FMO2: variants seen among roughly 807,000 people sequenced by gnomAD.
FMO2 encodes flavin containing dimethylaniline monoxygenase 2.
Under a neutral mutation model 41.6 loss-of-function variants are expected in FMO2, and 33 were observed. That is an observed-to-expected ratio of 0.79 (90% CI 0.60 to 1.06). The LOEUF (loss-of-function observed/expected upper bound fraction) is 1.06. Ranked by LOEUF, FMO2 falls within the 50% of genes least tolerant of loss-of-function variation. FMO2 has a pLI of 0.00. For missense variants in FMO2, 619 were observed against 632.9 expected (o/e 0.98, Z 0.23); for synonymous variants, 214 against 219.6 (o/e 0.97, Z 0.23).
At chr1:171,193,888 T>C (rs1244037841) in intron 3 of FMO2, among the ~76,000 whole-genome samples, 1 of 152,060 alleles carries the variant, frequency 6.6e-6, no homozygotes, top group Admixed American at 6.5e-5. Context: ...CAAGTGATTC[T>C]CCTGCCTCGG....
At chr1:171,205,918 C>T (rs554900905) in intron 7 of FMO2, among the ~76,000 whole-genome samples, 8 of 152,254 alleles carry the variant, frequency 5.3e-5, no homozygotes, top group African/African-American at 1.7e-4. Flanking sequence ...TTCTTTGAAT[C>T]GTGAGAGATA....
intron 5 of FMO2, among the ~76,000 whole-genome samples, chr1:171,203,007 TGAAGAG>T (rs950058078): frequency 4.1e-4 from 62 of 152,196 alleles, no homozygotes; most frequent in African/African-American, 1.5e-3. Context: ...GATGTGCACT[TGAAGAG>T]AAAGAGAATC....
rs529913836 is a variant in FMO2, at chr1:171,199,634, C to G, written c.627+146C>G. The stretch of plus-strand genomic sequence containing the variant: ...GTGGCATCATAGAAAATCTGGAAGT[C>G]AAGAAACCACTTTACCTCCTAGCTC... On this transcript the variant is annotated intron_variant, in intron 5 of 8. Coordinates refer to ENST00000209929, the MANE Select transcript of FMO2 (RefSeq NM_001460.5). 14 of 650,566 alleles carry G rather than the reference C, an allele frequency of 2.2e-5. No homozygotes were observed. The African/African-American group carries it at 2.2e-4, about 10-fold the overall frequency. 40.3% of individuals were successfully genotyped at this position (650,566 alleles called of 1,614,324 possible). A position where few individuals can be genotyped will look rare whatever the true frequency, so the allele number is the denominator to read the frequency against.
At position 171,205,508 on chromosome 1, in the gene FMO2, TATAA is replaced by T; in HGVS notation, c.1061_1064del (p.Lys354ThrfsTer21). ...AGTAGAGAATAATATGGTCTCACTGTATAAATACATATTCCCCGCTCACCTGGAC... is the reference window on the plus strand; with the variant it reads ...AGTAGAGAATAATATGGTCTCACTGTATACATATTCCCCGCTCACCTGGAC... On this transcript the variant is annotated frameshift_variant, in exon 7 of 9. Transcript: ENST00000209929. LOFTEE classifies it high-confidence loss of function. 2 of 1,613,814 alleles carry T rather than the reference TATAA, an allele frequency of 1.2e-6. No homozygotes were observed. Among genetic ancestry groups the T allele is most frequent in the Non-Finnish European group, 1.7e-6 (2 of 1,179,806 alleles).
rs752012494 is a variant in FMO2 at position 171,193,353 on chromosome 1, C to G, written c.151C>G (p.Arg51Gly). The G allele has an allele frequency of 6.9e-6, 11 of 1,601,526 alleles. No individual in the cohort carries two copies. The highest frequency in any genetic ancestry group is 1.3e-5 in the African/African-American group (1 of 74,088). ...CCTTCAGGAGAATGTGGAAGATGGC[C>G]GAGCAAGTATCTATCAATCTGTCGT... is the stretch of plus-strand genomic sequence containing the variant. The part of the protein sequence containing the change: ...WRFKENVEDG[R>G]ASIYQSVVTN... The change falls in exon 3 of 9, where the codon CGA becomes GGA. Residue 51 changes from arginine to glycine, a missense_variant. Arg to Gly is a moderately radical substitution (Grantham distance 125, BLOSUM62 -2). Coordinates refer to ENST00000209929, the MANE Select transcript of FMO2 (RefSeq NM_001460.5).
rs1339158477 is a variant in FMO2, at chr1:171,203,929, G to C, written c.692G>C (p.Trp231Ser). Residue 231 changes from tryptophan (W) to serine (S), a missense_variant, in exon 6 of 9, where the codon TGG (tryptophan) becomes TCG (serine). Physicochemically the swap from Trp to Ser is radical, Grantham distance 177. Transcript: ENST00000209929. The part of the protein sequence containing the change: ...MSRISEDGYP[W>S]DSVFHTRFRS... ...CGTATCTCTGAAGATGGCTATCCTTGGGACTCAGTGTTCCACACCCGGTTT... is the reference window on the plus strand; with the variant it reads ...CGTATCTCTGAAGATGGCTATCCTTCGGACTCAGTGTTCCACACCCGGTTT... 1 of 1,613,590 alleles carries C rather than the reference G, an allele frequency of 6.2e-7. No homozygotes were observed. The highest frequency in any genetic ancestry group is 1.3e-5 in the African/African-American group (1 of 74,866).
intron 5 of FMO2, among the ~76,000 whole-genome samples, chr1:171,201,338 G>T (rs1658525974): frequency 6.6e-6 from 1 of 151,964 alleles, no homozygotes; most frequent in East Asian, 1.9e-4. Context: ...ACATTTCCAG[G>T]ATTATACTCA....
intron 2 of FMO2, among the ~76,000 whole-genome samples, chr1:171,186,672 T>C (rs1406344031): frequency 6.6e-6 from 1 of 152,162 alleles, no homozygotes; most frequent in Non-Finnish European, 1.5e-5. Flanking sequence ...GTGGGGATTG[T>C]GGGAACTACA....
rs28369904 is a variant in FMO2 at position 171,206,819 on chromosome 1, C to G, written c.1184-899C>G. 5.3e-5 allele frequency among the ~76,000 whole-genome samples: 8 copies of G among 152,218 alleles called. No homozygotes were observed. In the East Asian group the frequency reaches 1.5e-3, roughly 29 times the overall value. Reference sequence around the variant, plus strand: ...GAGAAAGCTACTGAAATAGCCTATGCTAAAATATGATGCATCCTGGGCCAG... The same window carrying G: ...GAGAAAGCTACTGAAATAGCCTATGGTAAAATATGATGCATCCTGGGCCAG... On this transcript the variant is annotated intron_variant, in intron 7 of 8. Coordinates refer to ENST00000209929, the MANE Select transcript of FMO2 (RefSeq NM_001460.5).
In FMO2 at chr1:171,205,313, G is replaced by C. The variant is rs768069225; in HGVS notation, c.862G>C (p.Val288Leu). 3.7e-5 allele frequency: 59 copies of C among 1,612,824 alleles called. No homozygotes were observed. The highest frequency in any genetic ancestry group is 4.6e-5 in the Non-Finnish European group (54 of 1,179,214). Residue 288 changes from valine (V) to leucine (L), a missense_variant, in exon 7 of 9, where the codon GTC becomes CTC. Transcript: ENST00000209929. ...IMKEPVLNDDVPSRLLCGAIK... is the reference protein window; with the variant it reads ...IMKEPVLNDDLPSRLLCGAIK... ...GAAGGAACCTGTACTAAATGATGAT[G>C]TCCCAAGTCGTCTACTCTGTGGAGC...
At position 171,209,277 on chromosome 1, in the gene FMO2, G is replaced by A. The variant is rs1658885775; in HGVS notation, c.*132G>A. 1 of 399,072 alleles carries A rather than the reference G, an allele frequency of 2.5e-6. No individual in the cohort carries two copies. Among genetic ancestry groups the A allele is most frequent in the African/African-American group, 2.1e-5 (1 of 48,500 alleles). 24.7% of individuals were successfully genotyped at this position (399,072 alleles called of 1,614,324 possible). On this transcript the variant is annotated 3_prime_UTR_variant, in exon 9 of 9. Coordinates refer to ENST00000209929, the MANE Select transcript of FMO2 (RefSeq NM_001460.5). ...TAGAGTTAGGTAGTACAGGTAAGGG[G>A]GAAATTGTAAAGAATTAGCAGAATT...
intron 4 of FMO2, among the ~76,000 whole-genome samples, chr1:171,197,786 A>G (rs28369863): frequency 0.11 from 17,094 of 152,182 alleles, 1,222 homozygotes; most frequent in South Asian, 0.15. Context: ...GAAGAGGAAG[A>G]GAGACCTGAG....
At chr1:171,203,164 G>A (rs1036591628) in intron 5 of FMO2, among the ~76,000 whole-genome samples, 1 of 152,036 alleles carries the variant, frequency 6.6e-6, no homozygotes, top group Non-Finnish European at 1.5e-5. Context: ...GCAACATAAT[G>A]AGACCGTCTC....
intron 2 of FMO2, among the ~76,000 whole-genome samples, chr1:171,190,265 T>C (rs372270517): frequency 6.6e-6 from 1 of 152,224 alleles, no homozygotes; most frequent in Non-Finnish European, 1.5e-5. Context: ...CAAAAGATCA[T>C]AAATTCTAAA....
chr1:171,193,572 A>C (rs749323075), intron 3 of FMO2, 49 bp downstream of exon 3: 1 of 1,190,440 alleles, frequency 8.4e-7, no homozygotes, highest in South Asian at 1.3e-5. Context: ...TTCAGCTCAT[A>C]TTTAGATAGA....
chr1:171,204,629 T>C (rs960820043), intron 6 of FMO2, among the ~76,000 whole-genome samples: 5 of 152,136 alleles, frequency 3.3e-5, no homozygotes, highest in African/African-American at 1.2e-4. Context: ...TTTTAACAAA[T>C]GCCTGCCGTG....
At position 171,207,774 on chromosome 1, in the gene FMO2, G is replaced by GA; in HGVS notation, c.1246dup (p.Arg416LysfsTer3). The GA allele has an allele frequency of 6.2e-7, 1 of 1,602,040 alleles. No individual in the cohort carries two copies. Among genetic ancestry groups the GA allele is most frequent in the Non-Finnish European group, 8.5e-7 (1 of 1,170,812 alleles). On this transcript the variant is annotated frameshift_variant, in exon 8 of 9. Coordinates refer to ENST00000209929, the MANE Select transcript of FMO2 (RefSeq NM_001460.5). LOFTEE classifies it low-confidence loss of function (END_TRUNC). The stretch of plus-strand genomic sequence containing the variant: ...GATGATGGACATTATCAAAAGGAAT[G>GA]AAAAAAGAATTGACCTGTAAGAATT...
intron 5 of FMO2, among the ~76,000 whole-genome samples, chr1:171,199,795 G>C (rs984532747): frequency 4.6e-5 from 7 of 152,230 alleles, no homozygotes; most frequent in Admixed American, 2.0e-4. Flanking sequence ...GCTCACTGCA[G>C]CCTTGACCTC....
chr1:171,193,596 T>A (rs16864165), intron 3 of FMO2, 73 bp downstream of exon 3: 56,430 of 987,572 alleles, frequency 0.057, 3,039 homozygotes, highest in African/African-American at 0.26. Flanking sequence ...GTTACTCTGA[T>A]AATGAAAGCA....
Sources: allele counts gnomAD v4.1 joint callset (sites outside exome capture counted in the v4.1 genomes callset), GRCh38; gene constraint gnomAD v4.1.1; transcripts MANE v1.5; gene names NCBI Gene and HGNC (gene_info 2026-07-23, HGNC 2026-07-21).